PSEN1: variants seen among roughly 807,000 people sequenced by gnomAD.
PSEN1 encodes presenilin-1.
PSEN1 carries 15 observed loss-of-function variants against 53.5 expected under a neutral mutation model. The observed-to-expected ratio is 0.28, with a 90% CI of 0.19 to 0.43. PSEN1 has a LOEUF of 0.43. PSEN1 is among the 20% of genes least tolerant of loss of function. The pLI, the probability that PSEN1 is intolerant of heterozygous loss-of-function variation, is 1.00. For missense variants in PSEN1, 387 were observed against 571.2 expected, an observed-to-expected ratio of 0.68 and a Z score of 3.29; for synonymous variants, 208 against 209.8, an observed-to-expected ratio of 0.99 and a Z score of 0.08.
At chr14:73,183,465 C>T (rs1308448110) in intron 5 of PSEN1, among the ~76,000 whole-genome samples, 1 of 151,964 alleles carries the variant, frequency 6.6e-6, no homozygotes, top group East Asian at 1.9e-4. Context: ...TGTTTGTGTC[C>T]CTGGGTACTT....
intron 3 of PSEN1, among the ~76,000 whole-genome samples, chr14:73,149,179 A>G (rs531935146): frequency 6.6e-6 from 1 of 152,184 alleles, no homozygotes; most frequent in Non-Finnish European, 1.5e-5. Flanking sequence ...TAAGGTCTGG[A>G]TCAATAAAAA....
At chr14:73,141,933 G>A (rs1356875051) in intron 1 of PSEN1, among the ~76,000 whole-genome samples, 1 of 152,078 alleles carries the variant, frequency 6.6e-6, no homozygotes, top group Non-Finnish European at 1.5e-5. Flanking sequence ...CAGGCGTGGT[G>A]GCGGGCACCT....
At chr14:73,193,361 A>G (rs1306212445) in intron 7 of PSEN1, among the ~76,000 whole-genome samples, 1 of 151,754 alleles carries the variant, frequency 6.6e-6, no homozygotes, top group Non-Finnish European at 1.5e-5. Context: ...GCTGGCCAAT[A>G]TGGTGAAACC....
intron 6 of PSEN1, among the ~76,000 whole-genome samples, chr14:73,187,821 T>C (rs1389073325): frequency 6.6e-6 from 1 of 152,192 alleles, no homozygotes; most frequent in Non-Finnish European, 1.5e-5. Flanking sequence ...CAGCATAACA[T>C]TAATAACTAA....
chr14:73,191,414 TG>T, intron 6 of PSEN1, among the ~76,000 whole-genome samples: 1 of 152,330 alleles, frequency 6.6e-6, no homozygotes. Context: ...TGTGTGTGTA[TG>T]ATGATTCTTC....
chr14:73,206,191 AT>A (rs1329522193), intron 8 of PSEN1, 194 bp from the exon 9 acceptor site: 20 of 604,832 alleles, frequency 3.3e-5, no homozygotes, highest in Non-Finnish European at 1.5e-5. Context: ...TACAGTAAAC[AT>A]TCAGTTTCAG....
chr14:73,219,518 C>A lies in PSEN1; in HGVS notation c.*229C>A. On this transcript the variant is annotated 3_prime_UTR_variant, in exon 12 of 12. Transcript: ENST00000324501. ...CTTCATCGCAGTGGACTGTGTCCCT[C>A]GGTGCAGAAACTACCAGATTTGAGG... is the stretch of plus-strand genomic sequence containing the variant. The A allele has an allele frequency of 1.9e-6, 1 of 534,704 alleles. No individual in the cohort carries two copies. Among genetic ancestry groups the A allele is most frequent in the Non-Finnish European group, 3.4e-6 (1 of 296,106 alleles). 33.1% of individuals were successfully genotyped at this position (534,704 alleles called of 1,614,324 possible). A position where few individuals can be genotyped will look rare whatever the true frequency, so the allele number is the denominator to read the frequency against.
intron 7 of PSEN1, among the ~76,000 whole-genome samples, chr14:73,193,228 T>G (rs1012593706): frequency 6.6e-6 from 1 of 152,088 alleles, no homozygotes; most frequent in African/African-American, 2.4e-5. Context: ...GAGGATCGAT[T>G]GAGCCCAGGA....
intron 1 of PSEN1, among the ~76,000 whole-genome samples, chr14:73,141,657 C>T (rs1896929617): frequency 6.6e-6 from 1 of 151,920 alleles, no homozygotes. Flanking sequence ...TGGTGGTGGG[C>T]GTCTGTAATC....
At chr14:73,175,425 C>T (rs1045617410) in intron 5 of PSEN1, among the ~76,000 whole-genome samples, 1 of 151,482 alleles carries the variant, frequency 6.6e-6, no homozygotes, top group Admixed American at 6.6e-5. Flanking sequence ...CATACCTGGC[C>T]GAGGTCAGGG....
At chr14:73,197,933 C>T in intron 7 of PSEN1, 98 bp from the exon 8 acceptor site, 1 of 621,554 alleles carries the variant, frequency 1.6e-6, no homozygotes, top group South Asian at 1.7e-5. Context: ...AGACAAAAAA[C>T]ATTAAACTTT....
At chr14:73,181,478 G>T (rs539851961) in intron 5 of PSEN1, among the ~76,000 whole-genome samples, 3 of 152,122 alleles carry the variant, frequency 2.0e-5, no homozygotes, top group African/African-American at 7.2e-5. Context: ...ATAGTTTCAC[G>T]CCAGGTGCAG....
At chr14:73,201,249 G>A (rs61986897) in intron 8 of PSEN1, among the ~76,000 whole-genome samples, 5,442 of 152,028 alleles carry the variant, frequency 0.036, 144 homozygotes, top group Non-Finnish European at 0.058. Context: ...CGCCACGCCC[G>A]GCTAATTTTT....
chr14:73,167,517 C>G lies in PSEN1; in HGVS notation c.88-3280C>G, dbSNP rs905464206. Among the ~76,000 whole-genome samples, 4 of 152,092 alleles carry G rather than the reference C, an allele frequency of 2.6e-5. No individual in the cohort carries two copies. In the East Asian group the frequency reaches 5.8e-4, roughly 22 times the overall value. ...TTCATGAAGGCAGAGTCCTCATGACCCAGTCACCTCCTAAAGGCCTCACCT... is the reference window on the plus strand; with the variant it reads ...TTCATGAAGGCAGAGTCCTCATGACGCAGTCACCTCCTAAAGGCCTCACCT... On this transcript the variant is annotated intron_variant, in intron 3 of 11. Coordinates refer to ENST00000324501, the MANE Select transcript of PSEN1 (RefSeq NM_000021.4).
chr14:73,205,066 T>G lies in PSEN1; in HGVS notation c.869-1320T>G, dbSNP rs371951157. Among the ~76,000 whole-genome samples the G allele has an allele frequency of 5.4e-4, 83 of 152,342 alleles. 1 individual carries two copies. Among genetic ancestry groups the G allele is most frequent in the African/African-American group, 7.7e-4 (32 of 41,588 alleles). On this transcript the variant is annotated intron_variant, in intron 8 of 11. Transcript: ENST00000324501. ...GAAATAACAAGGTGGTCGTTCAGCT[T>G]CTTTGATTGTGTGTTTCTTTCATAA... is the stretch of plus-strand genomic sequence containing the variant.
chr14:73,196,769 C>T (rs1898963711), intron 7 of PSEN1, among the ~76,000 whole-genome samples: 1 of 151,958 alleles, frequency 6.6e-6, no homozygotes, highest in Non-Finnish European at 1.5e-5. Context: ...GCCACTGTGC[C>T]TGGCAAGACA....
At chr14:73,205,598 T>C (rs1219685235) in intron 8 of PSEN1, among the ~76,000 whole-genome samples, 3 of 152,216 alleles carry the variant, frequency 2.0e-5, no homozygotes, top group Non-Finnish European at 4.4e-5. Flanking sequence ...TTTGTGTTAT[T>C]GTTGGTGTAT....
intron 1 of PSEN1, among the ~76,000 whole-genome samples, chr14:73,139,606 A>C (rs1896860301): frequency 6.6e-6 from 1 of 152,176 alleles, no homozygotes; most frequent in South Asian, 2.1e-4. Context: ...GGGGGGCAAA[A>C]AGAAACAGAT....
At chr14:73,171,511 G>A (rs1897889385) in intron 4 of PSEN1, among the ~76,000 whole-genome samples, 1 of 152,098 alleles carries the variant, frequency 6.6e-6, no homozygotes, top group Non-Finnish European at 1.5e-5. Context: ...TATATAGAAG[G>A]GTGCACCCTT....
Sources: allele counts gnomAD v4.1 joint callset (sites outside exome capture counted in the v4.1 genomes callset), GRCh38; gene constraint gnomAD v4.1.1; transcripts MANE v1.5; gene names NCBI Gene and HGNC (gene_info 2026-07-23, HGNC 2026-07-21).